ADGRL2: variants seen among roughly 807,000 people sequenced by gnomAD.
ADGRL2 encodes the protein calcium-independent alpha-latrotoxin receptor 2.
A neutral mutation model predicts 157.4 loss-of-function variants in ADGRL2; 44 were observed. The ratio of observed to expected loss-of-function variants is 0.28; its 90% CI spans 0.22 to 0.36. The LOEUF is 0.36. Ranked by LOEUF, ADGRL2 falls within the 10% of genes least tolerant of loss-of-function variation. The pLI is 1.00. For synonymous variants in ADGRL2, 585 were observed against 624.7 expected, an observed-to-expected ratio of 0.94 and a Z score of 0.95; for missense variants, 1,510 against 1,768.9, an observed-to-expected ratio of 0.85 and a Z score of 2.63.
At chr1:81,560,002 A>G (rs1324523244) in intron 2 of ADGRL2, among the ~76,000 whole-genome samples, 1 of 152,198 alleles carries the variant, frequency 6.6e-6, no homozygotes, top group Non-Finnish European at 1.5e-5. Context: ...TCAAAATATT[A>G]TGATAATTTA....
At chr1:81,609,118 C>T (rs59874573) in intron 3 of ADGRL2, among the ~76,000 whole-genome samples, 3,967 of 151,898 alleles carry the variant, frequency 0.026, 166 homozygotes, top group African/African-American at 0.091. Flanking sequence ...TGGCTCACTA[C>T]AACCTCTGCC....
upstream of ADGRL2, among the ~76,000 whole-genome samples, chr1:81,695,502 C>T (rs143527366): frequency 1.8e-4 from 28 of 152,188 alleles, no homozygotes; most frequent in African/African-American, 5.8e-4. Flanking sequence ...GATTAGCACA[C>T]GGCTGAGGCA....
intron 1 of ADGRL2, among the ~76,000 whole-genome samples, chr1:81,349,718 C>A (rs929402383): frequency 2.0e-5 from 3 of 151,750 alleles, no homozygotes; most frequent in African/African-American, 7.3e-5. Flanking sequence ...ATCAGCACGT[C>A]CATGCTTGAC....
At chr1:81,708,213 G>A (rs180843162) in intron 1 of ADGRL2, among the ~76,000 whole-genome samples, 8 of 152,156 alleles carry the variant, frequency 5.3e-5, no homozygotes, top group African/African-American at 1.4e-4. Flanking sequence ...TGGTTTATCC[G>A]TCAAAGAAAT....
intron 23 of ADGRL2, 148 bp from the exon 24 acceptor site, chr1:81,990,243 G>A: frequency 1.3e-6 from 2 of 1,485,128 alleles, no homozygotes; most frequent in Admixed American, 2.3e-5. Flanking sequence ...TTACAGTTGG[G>A]AATGCAGGAA....
At chr1:81,531,077 C>T (rs1240762013) in intron 2 of ADGRL2, among the ~76,000 whole-genome samples, 2 of 124,614 alleles carry the variant, frequency 1.6e-5, no homozygotes, top group African/African-American at 5.5e-5. Context: ...GAGCAAGACT[C>T]TGTTTCAAAA....
chr1:81,981,053 TTTC>T (rs1278849642), intron 18 of ADGRL2: 3 of 433,724 alleles, frequency 6.9e-6, no homozygotes, highest in African/African-American at 2.1e-5. Flanking sequence ...ATATAAATGC[TTTC>T]TTATTACTTT....
chr1:81,815,152 A>G (rs959626508), intron 1 of ADGRL2, among the ~76,000 whole-genome samples: 2 of 151,952 alleles, frequency 1.3e-5, no homozygotes, highest in Admixed American at 1.3e-4. Context: ...CTGAGTTTTT[A>G]TGTCATGGTT....
chr1:81,976,020 T>C (rs1435870339), intron 17 of ADGRL2, among the ~76,000 whole-genome samples: 1 of 151,946 alleles, frequency 6.6e-6, no homozygotes, highest in Non-Finnish European at 1.5e-5. Context: ...TTGGAGAAAA[T>C]AAGATAACTG....
chr1:81,543,187 A>G (rs1480804565), intron 2 of ADGRL2, among the ~76,000 whole-genome samples: 1 of 151,904 alleles, frequency 6.6e-6, no homozygotes, highest in Non-Finnish European at 1.5e-5. Context: ...CAAAATTCAT[A>G]TGTTAGACTC....
intron 22 of ADGRL2, 145 bp downstream of exon 22, chr1:81,987,174 A>C (rs1159996582): frequency 1.5e-6 from 2 of 1,302,704 alleles, no homozygotes; most frequent in Non-Finnish European, 2.1e-6. Flanking sequence ...GGTATTGTCT[A>C]TGCCAGGCTT....
intron 1 of ADGRL2, among the ~76,000 whole-genome samples, chr1:81,397,555 G>A (rs1342919805): frequency 1.6e-4 from 25 of 151,954 alleles, no homozygotes; most frequent in Admixed American, 1.6e-3. Context: ...TCCTGACCTC[G>A]TGATCCACCC....
At chr1:81,332,699 T>G (rs1006885005) in intron 1 of ADGRL2, among the ~76,000 whole-genome samples, 3 of 152,160 alleles carry the variant, frequency 2.0e-5, no homozygotes, top group Admixed American at 6.5e-5. Context: ...GATAATACTT[T>G]TATTCGAAAT....
At chr1:81,683,787 C>A (rs1406051325) in intron 3 of ADGRL2, among the ~76,000 whole-genome samples, 2 of 151,832 alleles carry the variant, frequency 1.3e-5, no homozygotes, top group Non-Finnish European at 2.9e-5. Flanking sequence ...TATAAACACG[C>A]TTGTGCAAGT....
intron 2 of ADGRL2, among the ~76,000 whole-genome samples, chr1:81,509,372 T>TAA (rs113097084): frequency 6.9e-5 from 10 of 144,614 alleles, no homozygotes; most frequent in African/African-American, 2.3e-4. Context: ...AGTGATATGG[T>TAA]AAAAAAAAAA....
At chr1:81,813,830 T>G (rs1035125333) in intron 1 of ADGRL2, among the ~76,000 whole-genome samples, 1 of 151,624 alleles carries the variant, frequency 6.6e-6, no homozygotes, top group Non-Finnish European at 1.5e-5. Flanking sequence ...TAAAACCTCC[T>G]TCACAGTGAG....
intron 2 of ADGRL2, among the ~76,000 whole-genome samples, chr1:81,448,519 C>T (rs1299391608): frequency 6.6e-6 from 1 of 151,908 alleles, no homozygotes; most frequent in Admixed American, 6.6e-5. Context: ...ATAATACAGC[C>T]TCTACACCCC....
upstream of ADGRL2, among the ~76,000 whole-genome samples, chr1:81,697,057 G>A (rs1289319523): frequency 1.3e-5 from 2 of 152,140 alleles, no homozygotes; most frequent in African/African-American, 2.4e-5. Flanking sequence ...ATACTCATAT[G>A]TTCCTAGAAG....
At chr1:81,520,931 G>T (rs373063569) in intron 2 of ADGRL2, among the ~76,000 whole-genome samples, 2 of 152,108 alleles carry the variant, frequency 1.3e-5, no homozygotes, top group Non-Finnish European at 2.9e-5. Context: ...GGACCAATAC[G>T]GCTACTTGAT....
Sources: allele counts gnomAD v4.1 joint callset (sites outside exome capture counted in the v4.1 genomes callset), GRCh38; gene constraint gnomAD v4.1.1; transcripts MANE v1.5; gene names NCBI Gene and HGNC (gene_info 2026-07-23, HGNC 2026-07-21).